Variants in EPHB1 observed in about 807,000 individuals in gnomAD.
EPHB1 encodes the protein ephrin type-B receptor 1.
Under a neutral mutation model 94.4 loss-of-function variants are expected in EPHB1, and 30 were observed. The ratio of observed to expected loss-of-function variants is 0.32; its 90% CI spans 0.24 to 0.43. EPHB1 has a LOEUF of 0.43. EPHB1 is among the 20% of genes least tolerant of loss of function. The pLI, the probability that EPHB1 is intolerant of heterozygous loss-of-function variation, is 1.00. For missense variants in EPHB1, 1,055 were observed against 1,308.3 expected, an observed-to-expected ratio of 0.81 and a Z score of 2.99; for synonymous variants, 522 against 489.1, an observed-to-expected ratio of 1.07 and a Z score of -0.89.
chr3:135,213,302 T>G (rs1018043153), intron 12 of EPHB1, among the ~76,000 whole-genome samples: 3 of 152,246 alleles, frequency 2.0e-5, no homozygotes, highest in African/African-American at 7.2e-5. Context: ...GGAATAGTTC[T>G]GAACTGCTAC....
intron 15 of EPHB1, 110 bp downstream of exon 15, chr3:135,249,601 C>CTG: frequency 7.6e-7 from 1 of 1,309,124 alleles, no homozygotes; most frequent in Non-Finnish European, 1.1e-6. Context: ...GGAGCTCCGT[C>CTG]TCTGTATAGA....
At chr3:135,049,963 C>G (rs146858931) in intron 3 of EPHB1, among the ~76,000 whole-genome samples, 1 of 152,160 alleles carries the variant, frequency 6.6e-6, no homozygotes, top group Non-Finnish European at 1.5e-5. Flanking sequence ...CAGTGGTACC[C>G]CGGGACCCTG....
intron 3 of EPHB1, among the ~76,000 whole-genome samples, chr3:135,062,589 C>A (rs1434447697): frequency 6.6e-6 from 1 of 151,938 alleles, no homozygotes; most frequent in East Asian, 1.9e-4. Context: ...GATGTTAGTC[C>A]TTTGTCAGAT....
In EPHB1 at chr3:134,930,923, G is replaced by C. The variant is rs540042901; in HGVS notation, c.123+5043G>C. 1.4e-3 allele frequency among the ~76,000 whole-genome samples: 210 copies of C among 152,318 alleles called. 1 individual carries two copies. The highest frequency in any genetic ancestry group is 5.0e-3 in the African/African-American group (208 of 41,554). ...GTTGATGTGTCAGTCTCTTGCACTG[G>C]TCAGAGAATGAGCCAGCTCCCTCTT... On this transcript the variant is annotated intron_variant, in intron 2 of 15. Transcript: ENST00000398015.
chr3:135,234,472 C>A (rs1447479894), intron 12 of EPHB1, among the ~76,000 whole-genome samples: 1 of 152,212 alleles, frequency 6.6e-6, no homozygotes, highest in Non-Finnish European at 1.5e-5. Context: ...CTAAACTGTT[C>A]CAACCTCTGC....
intron 3 of EPHB1, among the ~76,000 whole-genome samples, chr3:135,020,886 A>G (rs555254277): frequency 6.6e-6 from 1 of 152,192 alleles, no homozygotes; most frequent in Non-Finnish European, 1.5e-5. Flanking sequence ...GTAAATAGTA[A>G]TAGGGTGAGA....
chr3:135,152,894 C>CA (rs1399563548), intron 5 of EPHB1, among the ~76,000 whole-genome samples: 1 of 152,178 alleles, frequency 6.6e-6, no homozygotes, highest in Non-Finnish European at 1.5e-5. Flanking sequence ...ACAGCCACCA[C>CA]AAGGTCTCTA....
At position 135,196,176 on chromosome 3, in the gene EPHB1, G is replaced by A. The variant is rs949236336; in HGVS notation, c.2130+3353G>A. On this transcript the variant is annotated intron_variant, in intron 11 of 15. Coordinates refer to ENST00000398015, the MANE Select transcript of EPHB1 (RefSeq NM_004441.5). ...TCATGTCCTTCATCCACTTTTTGAT[G>A]GGGTTGTTTGTTTTTTTCTTGTAAA... Among the ~76,000 whole-genome samples the A allele has an allele frequency of 2.6e-5, 4 of 151,952 alleles. No homozygotes were observed. The East Asian group carries it at 7.7e-4, about 29-fold the overall frequency.
At chr3:134,988,412 A>T (rs1934676139) in intron 3 of EPHB1, among the ~76,000 whole-genome samples, 1 of 152,200 alleles carries the variant, frequency 6.6e-6, no homozygotes, top group Admixed American at 6.5e-5. Flanking sequence ...TAAGCAGACT[A>T]TATATTTTTT....
At chr3:135,178,180 G>A (rs117817288) in intron 9 of EPHB1, among the ~76,000 whole-genome samples, 3 of 149,466 alleles carry the variant, frequency 2.0e-5, no homozygotes, top group Non-Finnish European at 3.0e-5. Flanking sequence ...CAGGCCAGGC[G>A]TGGTGACTCA....
intron 12 of EPHB1, among the ~76,000 whole-genome samples, chr3:135,224,007 CATATT>C (rs1354257121): frequency 6.6e-6 from 1 of 152,148 alleles, no homozygotes; most frequent in Non-Finnish European, 1.5e-5. Flanking sequence ...ATGCTGCTCC[CATATT>C]ATATTACTGT....
At chr3:134,949,914 T>C (rs1243953884) in intron 2 of EPHB1, among the ~76,000 whole-genome samples, 1 of 152,136 alleles carries the variant, frequency 6.6e-6, no homozygotes, top group Non-Finnish European at 1.5e-5. Flanking sequence ...CCTAGAGAGC[T>C]CAGTTAAGGG....
At chr3:134,811,256 T>TTTTTGTTTTTG (rs1553853018) in intron 1 of EPHB1, among the ~76,000 whole-genome samples, 1 of 134,866 alleles carries the variant, frequency 7.4e-6, no homozygotes, top group Non-Finnish European at 1.6e-5. Flanking sequence ...TTTTTTTTTT[T>TTTTTGTTTTTG]TTTTTTTCTG....
At chr3:135,197,102 GAAAA>G (rs55900203) in intron 11 of EPHB1, among the ~76,000 whole-genome samples, 2 of 120,652 alleles carry the variant, frequency 1.7e-5, no homozygotes, top group South Asian at 5.1e-4. Context: ...CCAGAAAAAG[GAAAA>G]AAAAAAAAAA....
At chr3:135,121,048 C>T (rs529692893) in intron 4 of EPHB1, among the ~76,000 whole-genome samples, 2 of 152,314 alleles carry the variant, frequency 1.3e-5, no homozygotes, top group Non-Finnish European at 2.9e-5. Flanking sequence ...AGGTGGTTGT[C>T]TTCTTGTAAA....
chr3:134,866,355 TG>T (rs2037378115), intron 1 of EPHB1, among the ~76,000 whole-genome samples: 1 of 152,252 alleles, frequency 6.6e-6, no homozygotes, highest in African/African-American at 2.4e-5. Context: ...TGCTCTCGGC[TG>T]GAACTGGTGT....
intron 1 of EPHB1, among the ~76,000 whole-genome samples, chr3:134,828,125 G>A (rs1032051959): frequency 6.6e-6 from 1 of 152,182 alleles, no homozygotes; most frequent in Non-Finnish European, 1.5e-5. Flanking sequence ...TCTCTTTTGT[G>A]GTGCCCCATT....
chr3:134,951,536 A>G lies in EPHB1; in HGVS notation c.289A>G (p.Ser97Gly), dbSNP rs1236665577. 4 of 1,613,934 alleles carry G rather than the reference A, an allele frequency of 2.5e-6. No homozygotes were observed. The highest frequency in any genetic ancestry group is 3.4e-6 in the Non-Finnish European group (4 of 1,179,858). Reference sequence around the variant, plus strand: ...GATGCGCTTCACTGTGAGAGACTGCAGCAGCCTCCCTAATGTCCCAGGATC... The same window carrying G: ...GATGCGCTTCACTGTGAGAGACTGCGGCAGCCTCCCTAATGTCCCAGGATC... The part of the protein sequence containing the change: ...TEMRFTVRDC[S>G]SLPNVPGSCK... The change falls in exon 3 of 16, where the codon AGC becomes GGC. Residue 97 changes from serine (S) to glycine (G), a missense_variant. Ser to Gly is a moderately conservative substitution (Grantham distance 56). Transcript: ENST00000398015. The surrounding 1 kb of genome is among the most constrained non-coding windows in gnomAD (Gnocchi z 4.5).
At chr3:134,879,343 G>A (rs1396691965) in intron 1 of EPHB1, among the ~76,000 whole-genome samples, 1 of 152,094 alleles carries the variant, frequency 6.6e-6, no homozygotes, top group East Asian at 1.9e-4. Flanking sequence ...ATCAATAAAT[G>A]AAAAGAATGA....
Sources: allele counts gnomAD v4.1 joint callset (sites outside exome capture counted in the v4.1 genomes callset), GRCh38; gene constraint gnomAD v4.1.1; non-coding constraint Gnocchi (gnomAD v3.1); transcripts MANE v1.5; gene names NCBI Gene and HGNC (gene_info 2026-07-23, HGNC 2026-07-21).